The following RNF213 variants were observed in gnomAD, a reference collection of about 807,000 sequenced individuals.
The protein encoded by RNF213 is ring finger protein 213, also known as E3 ubiquitin-protein ligase RNF213.
A neutral mutation model predicts 514.4 loss-of-function variants in RNF213; 341 were observed. That is an observed-to-expected ratio of 0.66 (90% CI 0.61 to 0.73). The LOEUF is 0.73. Among genes scored for constraint, RNF213 ranks in the 30% least tolerant of loss-of-function variants. The pLI is 0.00. For missense variants in RNF213, 5,767 were observed against 6,615.6 expected, an observed-to-expected ratio of 0.87 and a Z score of 4.45; for synonymous variants, 2,655 against 2,658.2, an observed-to-expected ratio of 1.00 and a Z score of 0.04.
chr17:80,348,394 G>T (rs189080582), intron 29 of RNF213, 108 bp downstream of exon 29: 3 of 1,487,818 alleles, frequency 2.0e-6, no homozygotes, highest in Non-Finnish European at 2.8e-6. Context: ...GGATCCTGCA[G>T]GGAGATGCTG....
In RNF213 at chr17:80,301,853, C is replaced by T. The variant is rs190186533; in HGVS notation, c.2210+3335C>T. Among the ~76,000 whole-genome samples, 4 of 152,286 alleles carry T rather than the reference C, an allele frequency of 2.6e-5. No individual in the cohort carries two copies. In the East Asian group the frequency reaches 7.7e-4, roughly 29 times the overall value. On this transcript the variant is annotated intron_variant, in intron 11 of 67. Transcript: ENST00000582970. ...CTGCACTCCTATATTTATCGTAACA[C>T]TCAATAGCCATAATATGGAATCATC...
At position 80,371,973 on chromosome 17, in the gene RNF213, C is replaced by G; in HGVS notation, c.12525C>G (p.Ile4175Met). 1 of 1,570,456 alleles carries G rather than the reference C, an allele frequency of 6.4e-7. No homozygotes were observed. Among genetic ancestry groups the G allele is most frequent in the African/African-American group, 1.3e-5 (1 of 74,130 alleles). The change falls in exon 47 of 68, where the codon ATC becomes ATG. Residue 4175 changes from isoleucine (I) to methionine (M), a missense_variant. This residue lies in a region of RNF213 where 1,245 missense variants were observed against 1,339.0 expected (regional missense o/e 0.93). Transcript: ENST00000582970. Reference sequence around the variant, plus strand: ...AAACTGAACTGTACATGCTCTTCATCAACTGCCTGGAGGTAAGTGAACTCT... The same window carrying G: ...AAACTGAACTGTACATGCTCTTCATGAACTGCCTGGAGGTAAGTGAACTCT... ...EDKTELYMLF[I>M]NCLEDSILEK...
At chr17:80,380,390 C>T (rs180935088) in intron 55 of RNF213, among the ~76,000 whole-genome samples, 15 of 152,336 alleles carry the variant, frequency 9.8e-5, no homozygotes, top group Non-Finnish European at 1.9e-4. Flanking sequence ...CTGAGAGCAT[C>T]GGCCACACTG....
chr17:80,369,655 A>G lies in RNF213; in HGVS notation c.12309A>G (p.Leu4103=), dbSNP rs1284107677. ...TCCTCTTCGTCCAAAAGGGGCGCTT[A>G]AGAGATGCTGCCCAGAGTAGGTTGC... ...LSLLFVQKGR[L]RDAAQRHCEH... is the part of the protein sequence containing the mutation. Residue 4103 remains leucine (L), a synonymous_variant, in exon 45 of 68, where the codon TTA becomes TTG. Coordinates refer to ENST00000582970, the MANE Select transcript of RNF213 (RefSeq NM_001256071.3). The G allele has an allele frequency of 8.7e-6, 14 of 1,614,258 alleles. No homozygotes were observed. The highest frequency in any genetic ancestry group is 1.2e-5 in the Non-Finnish European group (14 of 1,180,054).
At chr17:80,278,984 T>C in intron 3 of RNF213, 6 of 1,518,454 alleles carry the variant, frequency 4.0e-6, no homozygotes, top group Non-Finnish European at 5.3e-6. Flanking sequence ...CACGGCCACC[T>C]CGCACTTCCG....
Position 80,353,271 on chromosome 17 carries a change from G to A in RNF213, c.10423+212G>A. On this transcript the variant is annotated intron_variant, in intron 33 of 67. Coordinates refer to ENST00000582970, the MANE Select transcript of RNF213 (RefSeq NM_001256071.3). This position sits in a 1 kb window ranked among gnomAD's most constrained non-coding sequence, Gnocchi z 5.0. ...TTACCACAGGCTGAGGTAGAGCTCT[G>A]TGAGCAGGCCAGCCATGGAAGTGAG... 5.0e-6 allele frequency: 4 copies of A among 797,094 alleles called. No homozygotes were observed. Among genetic ancestry groups the A allele is most frequent in the Middle Eastern group, 2.3e-4 (1 of 4,414 alleles). 49.4% of individuals were successfully genotyped at this position (797,094 alleles called of 1,614,324 possible). A position where few individuals can be genotyped will look rare whatever the true frequency, so the allele number is the denominator to read the frequency against.
chr17:80,383,008 A>G lies in RNF213; in HGVS notation c.14008A>G (p.Thr4670Ala). 1 of 1,614,036 alleles carries G rather than the reference A, an allele frequency of 6.2e-7. No homozygotes were observed. Among genetic ancestry groups the G allele is most frequent in the South Asian group, 1.1e-5 (1 of 91,088 alleles). ...TTTAAATTTTGACACAGAATTGTCA[A>G]CTAAAGAAATGAGGAACAACTGGGA... ...RLLNFDTELS[T>A]KEMRNNWEKE... The change falls in exon 58 of 68, where the codon ACT becomes GCT. Residue 4670 changes from threonine to alanine, a missense_variant. Thr to Ala is a moderately conservative substitution (Grantham distance 58). Coordinates refer to ENST00000582970, the MANE Select transcript of RNF213 (RefSeq NM_001256071.3).
At position 80,389,927 on chromosome 17, in the gene RNF213, G is replaced by A; in HGVS notation, c.15285+10G>A. 1 of 1,614,070 alleles carries A rather than the reference G, an allele frequency of 6.2e-7. No individual in the cohort carries two copies. On this transcript the variant is annotated intron_variant, in intron 66 of 67. Coordinates refer to ENST00000582970, the MANE Select transcript of RNF213 (RefSeq NM_001256071.3). ...GCTGCGGCTGCACAAAGTAAGTCTG[G>A]TCTCTTCCTCTCTGCTGGACAGAGG... is the stretch of plus-strand genomic sequence containing the variant.
At chr17:80,303,580 T>A (rs551839991) in intron 11 of RNF213, among the ~76,000 whole-genome samples, 1 of 150,918 alleles carries the variant, frequency 6.6e-6, no homozygotes, top group African/African-American at 2.4e-5. Context: ...TTTTTTTTTT[T>A]TTTGAGACAG....
At chr17:80,274,903 GGTGT>G (rs1340957426) in intron 3 of RNF213, among the ~76,000 whole-genome samples, 1 of 57,798 alleles carries the variant, frequency 1.7e-5, no homozygotes, top group Non-Finnish European at 3.6e-5. Context: ...GTGTGTTGGG[GGTGT>G]GTGAGTGGGG....
chr17:80,278,744 AG>A, intron 3 of RNF213: 1 of 1,536,936 alleles, frequency 6.5e-7, no homozygotes, highest in Admixed American at 2.0e-5. Context: ...CCCTGTCTGA[AG>A]GGGGTCGTGT....
rs1047957203 is a variant in RNF213 at position 80,395,421 on chromosome 17, G to A, written c.*1923G>A. The A allele has an allele frequency of 1.3e-5, 2 of 152,224 alleles. No homozygotes were observed. Among genetic ancestry groups the A allele is most frequent in the Admixed American group, 1.3e-4 (2 of 15,282 alleles). 9.4% of individuals were successfully genotyped at this position (152,224 alleles called of 1,614,324 possible). On this transcript the variant is annotated 3_prime_UTR_variant, in exon 68 of 68. Transcript: ENST00000582970. ...AATGTCCTTTAGAAGCACCCATGAA[G>A]TAGTGTGTTCAGACTGTGCACACAG...
intron 15 of RNF213, chr17:80,316,660 G>T (rs1334316039): frequency 9.6e-6 from 2 of 209,300 alleles, no homozygotes; most frequent in South Asian, 1.7e-4. Context: ...CACAGGGAAG[G>T]GCTAGGGTCT....
Position 80,379,072 on chromosome 17 carries a change from G to C in RNF213, c.13546-548G>C, listed in dbSNP as rs115592242. On this transcript the variant is annotated intron_variant, in intron 54 of 67. Coordinates refer to ENST00000582970, the MANE Select transcript of RNF213 (RefSeq NM_001256071.3). ...ATGCGTGCATGCGTGCATGCGTGTGGTCCCAGCTACTTGGGAGGCTAAGGT... is the reference window on the plus strand; with the variant it reads ...ATGCGTGCATGCGTGCATGCGTGTGCTCCCAGCTACTTGGGAGGCTAAGGT... 2.1e-3 allele frequency among the ~76,000 whole-genome samples: 318 copies of C among 148,720 alleles called. 1 individual carries two copies. The highest frequency in any genetic ancestry group is 7.7e-3 in the African/African-American group (309 of 40,312).
chr17:80,343,277 G>T lies in RNF213; in HGVS notation c.6135G>T (p.Ala2045=). ...VLGALLPFLD[A]QYQKVPVLFH... ...GCGCCCTGCTGCCCTTCCTGGATGC[G>T]CAGTATCAGAAGGTCCCCGTGCTCT... The change falls in exon 27 of 68, where the codon GCG becomes GCT. Residue 2045 remains alanine, a synonymous_variant. Transcript: ENST00000582970. The surrounding 1 kb of genome is among the most constrained non-coding windows in gnomAD (Gnocchi z 4.3). The T allele has an allele frequency of 6.2e-7, 1 of 1,613,530 alleles. No homozygotes were observed.
intron 25 of RNF213, among the ~76,000 whole-genome samples, chr17:80,338,434 C>G (rs1191689861): frequency 2.0e-5 from 3 of 152,098 alleles, no homozygotes; most frequent in Admixed American, 6.5e-5. Flanking sequence ...AAGTAATAGT[C>G]TCTCAATTTT....
intron 3 of RNF213, among the ~76,000 whole-genome samples, chr17:80,280,966 G>A (rs543988435): frequency 5.3e-5 from 8 of 152,018 alleles, no homozygotes; most frequent in South Asian, 2.1e-4. Context: ...TATGCGGACC[G>A]GAGCGTGTTG....
At position 80,263,897 on chromosome 17, in the gene RNF213, C is replaced by G. The variant is rs931381733; in HGVS notation, c.97+119C>G. The G allele has an allele frequency of 9.2e-6, 7 of 757,250 alleles. No individual in the cohort carries two copies. The highest frequency in any genetic ancestry group is 6.4e-5 in the Admixed American group (3 of 46,962). 46.9% of individuals were successfully genotyped at this position (757,250 alleles called of 1,614,324 possible). ...GCAGCTCAGGTGGGGCCGAGGTCCT[C>G]TGTGGCTACTGAGGCTCTGTGGCTC... On this transcript the variant is annotated intron_variant, in intron 2 of 67. Coordinates refer to ENST00000582970, the MANE Select transcript of RNF213 (RefSeq NM_001256071.3). The surrounding 1 kb of genome is among the most constrained non-coding windows in gnomAD (Gnocchi z 4.9).
intron 31 of RNF213, 79 bp downstream of exon 31, chr17:80,350,475 G>A (rs1272679504): frequency 2.4e-6 from 2 of 846,630 alleles, no homozygotes; most frequent in South Asian, 2.7e-5. Flanking sequence ...TTTCCTTGAA[G>A]ACAGTATAGT....
Sources: gnomAD v4.1 joint callset for allele counts (sites outside exome capture counted in the v4.1 genomes callset) on GRCh38, gnomAD v4.1.1 for gene constraint, gnomAD v4.1.1 regional missense constraint, Gnocchi (gnomAD v3.1) non-coding constraint, MANE v1.5 for transcripts, NCBI Gene and HGNC (gene_info 2026-07-23, HGNC 2026-07-21) for gene names.